Variants in UBASH3B observed in about 807,000 individuals in gnomAD.
UBASH3B encodes the protein ubiquitin-associated and SH3 domain-containing protein B.
A neutral mutation model predicts 83.4 loss-of-function variants in UBASH3B; 37 were observed. The observed-to-expected ratio is 0.44, with a 90% CI of 0.34 to 0.58. The LOEUF (loss-of-function observed/expected upper bound fraction) is 0.58, where lower values mean the gene tolerates loss of function less well. Ranked by LOEUF, UBASH3B falls within the 20% of genes least tolerant of loss-of-function variation. The pLI is 0.01. For synonymous variants in UBASH3B, 304 were observed against 318.3 expected (o/e 0.96, Z 0.48); for missense variants, 657 against 827.2 (o/e 0.79, Z 2.52).
At chr11:122,780,940 G>A (rs1295111348) in intron 4 of UBASH3B, among the ~76,000 whole-genome samples, 2 of 152,166 alleles carry the variant, frequency 1.3e-5, no homozygotes, top group Non-Finnish European at 2.9e-5. Context: ...TAGCCTTTTG[G>A]CCTTTGGCCT....
At chr11:122,802,511 T>C (rs1421459324) in intron 11 of UBASH3B, among the ~76,000 whole-genome samples, 2 of 152,084 alleles carry the variant, frequency 1.3e-5, no homozygotes, top group Non-Finnish European at 2.9e-5. Flanking sequence ...TTATGTGATA[T>C]CTGTTGACCT....
chr11:122,679,575 G>A (rs1055745535), intron 1 of UBASH3B, among the ~76,000 whole-genome samples: 5 of 152,122 alleles, frequency 3.3e-5, no homozygotes, highest in African/African-American at 1.2e-4. Context: ...CTGAAGTCTG[G>A]GACACCTTGA....
chr11:122,698,037 G>A (rs1863984568), intron 1 of UBASH3B, among the ~76,000 whole-genome samples: 1 of 152,122 alleles, frequency 6.6e-6, no homozygotes, highest in African/African-American at 2.4e-5. Context: ...ACCTAGATTT[G>A]TCTCATTCCA....
chr11:122,719,886 G>A (rs1369734895), intron 1 of UBASH3B, among the ~76,000 whole-genome samples: 1 of 152,042 alleles, frequency 6.6e-6, no homozygotes, highest in Admixed American at 6.6e-5. Context: ...GTCCTCTCTC[G>A]ATGCTTCCTT....
chr11:122,780,340 G>C (rs895358211), intron 4 of UBASH3B, among the ~76,000 whole-genome samples: 2 of 152,210 alleles, frequency 1.3e-5, no homozygotes, highest in East Asian at 3.8e-4. Flanking sequence ...TTAGCTTAAG[G>C]GGGTGCTCAA....
chr11:122,763,616 A>G (rs1459828097), intron 1 of UBASH3B, among the ~76,000 whole-genome samples: 1 of 152,130 alleles, frequency 6.6e-6, no homozygotes, highest in East Asian at 1.9e-4. Context: ...CTTGGTGGTA[A>G]TGTCCCCAGC....
chr11:122,733,196 T>A (rs908288745), intron 1 of UBASH3B, among the ~76,000 whole-genome samples: 3 of 152,220 alleles, frequency 2.0e-5, no homozygotes, highest in African/African-American at 7.2e-5. Flanking sequence ...TTTCCCTCCT[T>A]TGCTGTGGAA....
At chr11:122,687,815 A>T (rs1048405187) in intron 1 of UBASH3B, among the ~76,000 whole-genome samples, 1 of 152,096 alleles carries the variant, frequency 6.6e-6, no homozygotes, top group Non-Finnish European at 1.5e-5. Context: ...CGTGTCTCCA[A>T]GATGAGAGAA....
At chr11:122,672,446 C>T (rs1377567898) in intron 1 of UBASH3B, among the ~76,000 whole-genome samples, 3 of 152,074 alleles carry the variant, frequency 2.0e-5, no homozygotes, top group African/African-American at 7.2e-5. Context: ...CAACCTCAAC[C>T]TCCCATGTAG....
chr11:122,701,148 T>G lies in UBASH3B; in HGVS notation c.161+44938T>G, dbSNP rs191208442. 2.8e-4 allele frequency among the ~76,000 whole-genome samples: 43 copies of G among 152,374 alleles called. No individual in the cohort carries two copies. The East Asian group carries it at 4.1e-3, about 14-fold the overall frequency. ...TTGTGTGATTCTGCTCCATCTGCTT[T>G]GAATTTCTTGGCTTCTTTGTCCAAG... On this transcript the variant is annotated intron_variant, in intron 1 of 13. Transcript: ENST00000284273.
chr11:122,784,689 C>T (rs1270099903), intron 5 of UBASH3B, among the ~76,000 whole-genome samples: 1 of 152,096 alleles, frequency 6.6e-6, no homozygotes, highest in African/African-American at 2.4e-5. Context: ...GTTAGAACCC[C>T]AGGGCTGGGA....
At position 122,777,040 on chromosome 11, in the gene UBASH3B, G is replaced by A. The variant is rs779344141; in HGVS notation, c.232G>A (p.Gly78Ser). ...GTCTTACAGGTTATTCTCCCATGTC[G>A]GTGACCCCTTCCTGGATGACCCCCT... ...AACDWLFSHV[G>S]DPFLDDPLPR... is the part of the protein sequence containing the mutation. The change falls in exon 3 of 14, where the codon GGT becomes AGT. Residue 78 changes from glycine (G) to serine (S), a missense_variant. By Grantham distance (56) the Gly-to-Ser change is moderately conservative. This residue lies in a region of UBASH3B where 573 missense variants were observed against 739.0 expected (regional missense o/e 0.78). Transcript: ENST00000284273. 35 of 1,609,346 alleles carry A rather than the reference G, an allele frequency of 2.2e-5. 1 individual carries two copies. The South Asian group carries it at 2.4e-4, about 11-fold the overall frequency.
rs761404840 is a variant in UBASH3B at position 122,798,980 on chromosome 11, G to C, written c.1396G>C (p.Val466Leu). 6.2e-7 allele frequency: 1 copy of C among 1,614,102 alleles called. No homozygotes were observed. The highest frequency in any genetic ancestry group is 2.2e-5 in the East Asian group (1 of 44,878). ...LLESNTIIDH[V>L]YCSPSLRCVQ... The stretch of plus-strand genomic sequence containing the variant: ...AGAGAGCAATACCATTATCGATCAT[G>C]TCTATTGCTCCCCGTCCCTTCGCTG... Residue 466 changes from valine to leucine, a missense_variant, in exon 10 of 14, where the codon GTC becomes CTC. Physicochemically the swap from Val to Leu is conservative, Grantham distance 32. This residue lies in a region of UBASH3B where 573 missense variants were observed against 739.0 expected (regional missense o/e 0.78). Coordinates refer to ENST00000284273, the MANE Select transcript of UBASH3B (RefSeq NM_032873.5).
At chr11:122,775,088 G>A (rs1442150665) in intron 1 of UBASH3B, among the ~76,000 whole-genome samples, 3 of 152,160 alleles carry the variant, frequency 2.0e-5, no homozygotes, top group African/African-American at 7.2e-5. Flanking sequence ...TTAGGGCAGG[G>A]ATCACATAAG....
chr11:122,782,924 C>A, intron 4 of UBASH3B, 129 bp from the exon 5 acceptor site: 2 of 1,123,258 alleles, frequency 1.8e-6, no homozygotes, highest in Non-Finnish European at 2.5e-6. Context: ...AGGAGAGAAA[C>A]GTCTTTTGTC....
intron 6 of UBASH3B, among the ~76,000 whole-genome samples, chr11:122,792,157 G>T (rs1049901251): frequency 1.3e-5 from 2 of 151,978 alleles, no homozygotes; most frequent in African/African-American, 4.8e-5. Flanking sequence ...TGCCATGGGA[G>T]ACGAAGGAGG....
intron 1 of UBASH3B, among the ~76,000 whole-genome samples, chr11:122,666,687 G>T (rs771047580): frequency 6.6e-6 from 1 of 152,178 alleles, no homozygotes; most frequent in Non-Finnish European, 1.5e-5. Flanking sequence ...AAAGTGCTGG[G>T]ATTACAGGCA....
chr11:122,808,060 C>G lies in UBASH3B; in HGVS notation c.1703-7C>G. 1.2e-6 allele frequency: 2 copies of G among 1,611,626 alleles called. No homozygotes were observed. The highest frequency in any genetic ancestry group is 1.7e-6 in the Non-Finnish European group (2 of 1,177,740). ...CAGTCTTCCCATACCTTGCCATTTTCCCCCAGGAAATAACATCCTGATTGT... is the reference window on the plus strand; with the variant it reads ...CAGTCTTCCCATACCTTGCCATTTTGCCCCAGGAAATAACATCCTGATTGT... On this transcript the variant is annotated splice_region_variant and splice_polypyrimidine_tract_variant and intron_variant, in intron 12 of 13. Coordinates refer to ENST00000284273, the MANE Select transcript of UBASH3B (RefSeq NM_032873.5).
intron 1 of UBASH3B, among the ~76,000 whole-genome samples, chr11:122,669,289 C>T (rs868470784): frequency 5.9e-5 from 9 of 152,072 alleles, no homozygotes; most frequent in African/African-American, 1.9e-4. Flanking sequence ...TTCCAGAGTC[C>T]GCCTCCATCC....
Sources: gnomAD v4.1 joint callset for allele counts (sites outside exome capture counted in the v4.1 genomes callset) on GRCh38, gnomAD v4.1.1 for gene constraint, gnomAD v4.1.1 regional missense constraint, MANE v1.5 for transcripts, NCBI Gene and HGNC (gene_info 2026-07-23, HGNC 2026-07-21) for gene names.